Variants in NTM observed in about 807,000 individuals in gnomAD.
NTM encodes the protein neurotrimin.
In NTM, 13 loss-of-function variants were observed where a neutral mutation model predicts 42.1. The ratio of observed to expected loss-of-function variants is 0.31; its 90% CI spans 0.20 to 0.49. The LOEUF (loss-of-function observed/expected upper bound fraction) is 0.49. NTM is among the 20% of genes least tolerant of loss of function. The pLI is 0.99. For missense variants in NTM, 373 were observed against 452.8 expected (o/e 0.82, Z 1.60); for synonymous variants, 187 against 179.2 (o/e 1.04, Z -0.35).
intron 4 of NTM, among the ~76,000 whole-genome samples, chr11:132,255,066 A>AT (rs2092364531): frequency 1.3e-5 from 2 of 152,348 alleles, no homozygotes; most frequent in South Asian, 4.1e-4. Context: ...CTAGAACCAC[A>AT]TGCGGAGTTG....
rs184882169 is a variant in NTM at position 132,162,312 on chromosome 11, G to C, written c.400+15798G>C. Among the ~76,000 whole-genome samples the C allele has an allele frequency of 1.9e-3, 284 of 151,908 alleles. 1 individual carries two copies. The highest frequency in any genetic ancestry group is 6.5e-3 in the African/African-American group (269 of 41,434). On this transcript the variant is annotated intron_variant, in intron 3 of 8. Coordinates refer to ENST00000683400, the MANE Select transcript of NTM (RefSeq NM_001352005.2). The stretch of plus-strand genomic sequence containing the variant: ...TTGTGTATGTGTGAAGAGCGTGTAT[G>C]TGGGTGGAGTGTTGATGTGATTGTG...
intron 4 of NTM, among the ~76,000 whole-genome samples, chr11:132,273,303 A>C (rs1350321592): frequency 1.1e-5 from 1 of 93,224 alleles, no homozygotes; most frequent in Admixed American, 1.1e-4. Flanking sequence ...GGTTTTGTTG[A>C]CTAGTGTTTT....
At chr11:131,582,606 A>AT (rs1555156784) in intron 1 of NTM, among the ~76,000 whole-genome samples, 7 of 152,008 alleles carry the variant, frequency 4.6e-5, no homozygotes, top group Admixed American at 6.6e-5. Flanking sequence ...AAAAAAAAAA[A>AT]ATATTATTTA....
intron 1 of NTM, among the ~76,000 whole-genome samples, chr11:131,578,194 A>G (rs1314615474): frequency 6.6e-6 from 1 of 152,202 alleles, no homozygotes; most frequent in Non-Finnish European, 1.5e-5. Flanking sequence ...CGAATCCAGA[A>G]AGATCTTGTC....
rs111261713 is a variant in NTM at position 131,829,324 on chromosome 11, C to A, written c.83-82240C>A. ...AGAATAGTATCCAATAGTTTATCAA[C>A]CTTTGTACCCCTCCCTGTCCCCTCC... On this transcript the variant is annotated intron_variant, in intron 1 of 8. Transcript: ENST00000683400. Among the ~76,000 whole-genome samples, 901 of 152,190 alleles carry A rather than the reference C, an allele frequency of 5.9e-3. 6 individuals are homozygous for A. The highest frequency in any genetic ancestry group is 0.021 in the African/African-American group (852 of 41,532).
At position 132,052,460 on chromosome 11, in the gene NTM, C is replaced by T. The variant is rs546848126; in HGVS notation, c.168-93822C>T. ...TATCAGTTGAAAATGTGAATCCTGTCAACAGCCCCCAGCTCTGCCATGCTT... is the reference window on the plus strand; with the variant it reads ...TATCAGTTGAAAATGTGAATCCTGTTAACAGCCCCCAGCTCTGCCATGCTT... On this transcript the variant is annotated intron_variant, in intron 2 of 8. Coordinates refer to ENST00000683400, the MANE Select transcript of NTM (RefSeq NM_001352005.2). Among the ~76,000 whole-genome samples, 6 of 152,238 alleles carry T rather than the reference C, an allele frequency of 3.9e-5. No individual in the cohort carries two copies. The South Asian group carries it at 1.0e-3, about 26-fold the overall frequency.
intron 2 of NTM, among the ~76,000 whole-genome samples, chr11:131,983,045 G>A (rs926496361): frequency 6.9e-6 from 1 of 145,228 alleles, no homozygotes; most frequent in African/African-American, 2.6e-5. Context: ...CTACTCAAAG[G>A]AAAATGATTT....
intron 1 of NTM, among the ~76,000 whole-genome samples, chr11:131,444,842 A>T (rs1274730574): frequency 1.3e-5 from 2 of 152,186 alleles, no homozygotes; most frequent in Non-Finnish European, 2.9e-5. Context: ...AGAGAAGGTT[A>T]TATGTGGGTA....
intron 1 of NTM, among the ~76,000 whole-genome samples, chr11:131,884,856 T>G (rs1592553461): frequency 6.6e-6 from 1 of 152,180 alleles, no homozygotes; most frequent in Non-Finnish European, 1.5e-5. Context: ...TTAATAATTC[T>G]TGAGTGCTTC....
intron 3 of NTM, among the ~76,000 whole-genome samples, chr11:132,196,198 AG>A: frequency 6.6e-6 from 1 of 152,302 alleles, no homozygotes; most frequent in Non-Finnish European, 1.5e-5. Context: ...GGGAAAAAAA[AG>A]CTCATGATCG....
chr11:131,545,683 T>C (rs943779674), intron 1 of NTM, among the ~76,000 whole-genome samples: 1 of 152,018 alleles, frequency 6.6e-6, no homozygotes, highest in Non-Finnish European at 1.5e-5. Flanking sequence ...AAGGACACAA[T>C]GGGAGTTTTA....
chr11:131,795,717 A>G, intron 1 of NTM: 1 of 985,382 alleles, frequency 1.0e-6, no homozygotes, highest in Non-Finnish European at 1.2e-6. Context: ...TGTGCTGGGC[A>G]TTGCCTGAGG....
At chr11:131,687,454 C>T (rs1402629153) in intron 1 of NTM, among the ~76,000 whole-genome samples, 1 of 152,200 alleles carries the variant, frequency 6.6e-6, no homozygotes. Flanking sequence ...AGGGTCCCGG[C>T]AGAGCCCTCT....
chr11:131,882,775 G>A (rs2049753386), intron 1 of NTM, among the ~76,000 whole-genome samples: 1 of 152,138 alleles, frequency 6.6e-6, no homozygotes, highest in Non-Finnish European at 1.5e-5. Context: ...TTCTGAGGCA[G>A]GCAACTCTTA....
chr11:131,617,532 T>G (rs1435045224), intron 1 of NTM, among the ~76,000 whole-genome samples: 1 of 152,158 alleles, frequency 6.6e-6, no homozygotes, highest in Non-Finnish European at 1.5e-5. Flanking sequence ...CGTGACTGCC[T>G]GTGCTCAGCA....
chr11:132,251,694 G>T (rs2091951628), intron 4 of NTM, among the ~76,000 whole-genome samples: 1 of 152,186 alleles, frequency 6.6e-6, no homozygotes, highest in Admixed American at 6.5e-5. Flanking sequence ...AAGTGCCTGT[G>T]CCTACCCCAC....
At chr11:132,042,244 C>A (rs907490008) in intron 2 of NTM, among the ~76,000 whole-genome samples, 2 of 152,102 alleles carry the variant, frequency 1.3e-5, no homozygotes, top group Non-Finnish European at 2.9e-5. Flanking sequence ...CAAATAGCAG[C>A]CCCTCGTTCC....
intron 1 of NTM, among the ~76,000 whole-genome samples, chr11:131,800,204 C>T (rs190298844): frequency 9.8e-5 from 15 of 152,316 alleles, no homozygotes; most frequent in Admixed American, 3.9e-4. Flanking sequence ...TTTTGGAATC[C>T]GAGAACAGGA....
intron 1 of NTM, among the ~76,000 whole-genome samples, chr11:131,607,569 GGGAGTATGTATGAAAGAGC>G (rs1197345851): frequency 6.6e-6 from 1 of 152,100 alleles, no homozygotes; most frequent in Non-Finnish European, 1.5e-5. Context: ...CCTGGGGTAG[GGGAGTATGTATGAAAGAGC>G]TTGGGGTCAG....
Sources: allele counts gnomAD v4.1 joint callset (sites outside exome capture counted in the v4.1 genomes callset), GRCh38; gene constraint gnomAD v4.1.1; transcripts MANE v1.5; gene names NCBI Gene and HGNC (gene_info 2026-07-23, HGNC 2026-07-21).